The following IQCB1 variants were observed in gnomAD, a reference collection of about 807,000 sequenced individuals.
IQCB1 encodes IQ calmodulin-binding motif-containing protein 1.
IQCB1 carries 56 observed loss-of-function variants against 84.4 expected under a neutral mutation model. The observed-to-expected ratio is 0.66, with a 90% CI of 0.54 to 0.83. The LOEUF (loss-of-function observed/expected upper bound fraction) is 0.83, where lower values mean the gene tolerates loss of function less well. IQCB1 is among the 40% of genes least tolerant of loss of function. IQCB1 has a pLI of 0.00. For missense variants in IQCB1, 629 were observed against 682.1 expected, an observed-to-expected ratio of 0.92 and a Z score of 0.87; for synonymous variants, 210 against 234.8, an observed-to-expected ratio of 0.89 and a Z score of 0.96.
chr3:121,795,451 T>A lies in IQCB1; in HGVS notation c.986+6A>T. The A allele has an allele frequency of 6.5e-7, 1 of 1,539,440 alleles. No individual in the cohort carries two copies. Among genetic ancestry groups the A allele is most frequent in the Non-Finnish European group, 9.0e-7 (1 of 1,113,808 alleles). ...GATCATCAATCCCCTCACCAAATTT[T>A]TTTACCTGAAACTCCTCTGCAAAGC... On this transcript the variant is annotated splice_donor_region_variant and intron_variant, in intron 10 of 14. Coordinates refer to ENST00000310864, the MANE Select transcript of IQCB1 (RefSeq NM_001023570.4).
chr3:121,780,480 T>C (rs1173552383), intron 13 of IQCB1, among the ~76,000 whole-genome samples: 1 of 152,228 alleles, frequency 6.6e-6, no homozygotes, highest in East Asian at 1.9e-4. Context: ...ACAGAGGGCC[T>C]GATATAGAAG....
At chr3:121,799,960 T>C (rs1949342156) in intron 7 of IQCB1, among the ~76,000 whole-genome samples, 1 of 151,890 alleles carries the variant, frequency 6.6e-6, no homozygotes, top group African/African-American at 2.4e-5. Flanking sequence ...TAAGGAGTTA[T>C]GTGATTTTCT....
chr3:121,826,868 A>T (rs1451732162), intron 4 of IQCB1, among the ~76,000 whole-genome samples: 2 of 152,164 alleles, frequency 1.3e-5, no homozygotes, highest in Non-Finnish European at 2.9e-5. Context: ...CATTCAAAAG[A>T]GCCTCAAACC....
Position 121,828,621 on chromosome 3 carries a change from T to G in IQCB1, c.112A>C (p.Ile38Leu). 6.3e-7 allele frequency: 1 copy of G among 1,595,608 alleles called. No individual in the cohort carries two copies. The highest frequency in any genetic ancestry group is 8.6e-7 in the Non-Finnish European group (1 of 1,163,562). Residue 38 changes from isoleucine to leucine, a missense_variant, in exon 4 of 15, where the codon ATC becomes CTC. Physicochemically the swap from Ile to Leu is conservative, Grantham distance 5 (BLOSUM62 2). Coordinates refer to ENST00000310864, the MANE Select transcript of IQCB1 (RefSeq NM_001023570.4). ...ILLKLKEIIN[I>L]TPLGSSELKK... ...AACTCTGAGCTTCCTAAAGGTGTGA[T>G]GTTTATTATTTCTAAGGCAAAAGGA... is the stretch of plus-strand genomic sequence containing the variant.
Position 121,826,113 on chromosome 3 carries a change from C to T in IQCB1, c.331G>A (p.Ala111Thr). 1 of 1,612,974 alleles carries T rather than the reference C, an allele frequency of 6.2e-7. No homozygotes were observed. The highest frequency in any genetic ancestry group is 8.5e-7 in the Non-Finnish European group (1 of 1,178,934). The change falls in exon 5 of 15, where the codon GCT becomes ACT. Residue 111 changes from alanine (A) to threonine (T), a missense_variant. Transcript: ENST00000310864. ...CCCAAAACTAGAAAATTTTCTGCAG[C>T]TGATGGAAGTAATTCATTGTAAAAT... ...EEFYNELLPS[A>T]AENFLVLGRQ...
intron 10 of IQCB1, among the ~76,000 whole-genome samples, chr3:121,791,254 C>T (rs1948958749): frequency 6.6e-6 from 1 of 151,996 alleles, no homozygotes; most frequent in Non-Finnish European, 1.5e-5. Flanking sequence ...AAATGTGGTA[C>T]CTTGGCTATA....
chr3:121,788,452 T>C lies in IQCB1; in HGVS notation c.1130-20A>G. The C allele has an allele frequency of 1.9e-6, 3 of 1,605,124 alleles. No individual in the cohort carries two copies. Among genetic ancestry groups the C allele is most frequent in the Admixed American group, 3.3e-5 (2 of 60,006 alleles). On this transcript the variant is annotated intron_variant, in intron 11 of 14. Coordinates refer to ENST00000310864, the MANE Select transcript of IQCB1 (RefSeq NM_001023570.4). ...CCTGACCTAAAAAGATGATAGACAC[T>C]ATTACAACATACTCACTGCCATGCT...
intron 10 of IQCB1, among the ~76,000 whole-genome samples, chr3:121,794,191 G>A (rs544541877): frequency 2.6e-5 from 4 of 151,862 alleles, no homozygotes; most frequent in Admixed American, 1.3e-4. Context: ...AATAATAGAT[G>A]GATAATACTT....
chr3:121,807,238 T>C lies in IQCB1; in HGVS notation c.587+106A>G, dbSNP rs1004848469. 3.2e-5 allele frequency: 23 copies of C among 712,220 alleles called. No individual in the cohort carries two copies. The African/African-American group carries it at 4.0e-4, about 13-fold the overall frequency. The allele number at this position is 712,220 out of a possible 1,614,324, so 44.1% of individuals were successfully genotyped here. On this transcript the variant is annotated intron_variant, in intron 7 of 14. Transcript: ENST00000310864. The stretch of plus-strand genomic sequence containing the variant: ...AGTATATAGTGCATATACTTGTATA[T>C]ACATTATATACAAATCATATGCGGT...
At position 121,822,312 on chromosome 3, in the gene IQCB1, G is replaced by C. The variant is rs1020783003; in HGVS notation, c.393+3739C>G. ...CTTCTATTGGTTCTGTTTTTCTGGAGAGACCTGACTAATATGCCTGGCTTT... is the reference window on the plus strand; with the variant it reads ...CTTCTATTGGTTCTGTTTTTCTGGACAGACCTGACTAATATGCCTGGCTTT... On this transcript the variant is annotated intron_variant, in intron 5 of 14. Coordinates refer to ENST00000310864, the MANE Select transcript of IQCB1 (RefSeq NM_001023570.4). Among the ~76,000 whole-genome samples the C allele has an allele frequency of 2.6e-5, 4 of 152,074 alleles. No homozygotes were observed. In the East Asian group the frequency reaches 7.7e-4, roughly 29 times the overall value.
chr3:121,826,212 G>T, intron 4 of IQCB1, 32 bp from the exon 5 acceptor site: 1 of 1,610,996 alleles, frequency 6.2e-7, no homozygotes, highest in South Asian at 1.1e-5. Flanking sequence ...GTGTTAATTA[G>T]AAGTTTATGT....
chr3:121,798,874 C>T (rs1949298810), intron 8 of IQCB1, among the ~76,000 whole-genome samples: 1 of 151,724 alleles, frequency 6.6e-6, no homozygotes, highest in South Asian at 2.1e-4. Context: ...TAAAGCTGGT[C>T]TTGATAAGGT....
At chr3:121,824,190 T>A (rs746447982) in intron 5 of IQCB1, among the ~76,000 whole-genome samples, 1 of 152,100 alleles carries the variant, frequency 6.6e-6, no homozygotes, top group Non-Finnish European at 1.5e-5. Context: ...AGACCCCCAG[T>A]GGATGCCTGA....
chr3:121,807,567 C>A (rs955556141), intron 6 of IQCB1, 124 bp from the exon 7 acceptor site: 5 of 608,866 alleles, frequency 8.2e-6, no homozygotes, highest in Non-Finnish European at 1.5e-5. Context: ...ACTTTGTAGA[C>A]TCTACGATAA....
In IQCB1 at chr3:121,799,752, T is replaced by G. The variant is rs1949335454; in HGVS notation, c.588-378A>C. On this transcript the variant is annotated intron_variant, in intron 7 of 14. Transcript: ENST00000310864. ...AATCAAGACAGGTACACAGTTAATT[T>G]TTAAATGATGTACAAAGACAAAAAT... Among the ~76,000 whole-genome samples, 3 of 151,914 alleles carry G rather than the reference T, an allele frequency of 2.0e-5. No homozygotes were observed. The South Asian group carries it at 6.2e-4, about 31-fold the overall frequency.
chr3:121,787,667 C>T (rs1393266050), intron 12 of IQCB1, among the ~76,000 whole-genome samples: 1 of 151,490 alleles, frequency 6.6e-6, no homozygotes, highest in African/African-American at 2.4e-5. Context: ...AGGAGAATTG[C>T]TTGAACCTGG....
intron 5 of IQCB1, among the ~76,000 whole-genome samples, chr3:121,815,231 C>T (rs552884569): frequency 1.3e-5 from 2 of 152,268 alleles, no homozygotes; most frequent in African/African-American, 4.8e-5. Flanking sequence ...TAAAAACTCT[C>T]AATGAACTAG....
At chr3:121,830,018 C>T (rs558055450) in intron 2 of IQCB1, among the ~76,000 whole-genome samples, 59 of 152,090 alleles carry the variant, frequency 3.9e-4, no homozygotes, top group African/African-American at 1.4e-3. Flanking sequence ...ACCAGCCTGG[C>T]CAACATGGTG....
chr3:121,825,084 G>C (rs1399870297), intron 5 of IQCB1, among the ~76,000 whole-genome samples: 2 of 148,226 alleles, frequency 1.3e-5, no homozygotes, highest in Non-Finnish European at 3.0e-5. Flanking sequence ...TTTTCAGATG[G>C]AGTTTTGCTC....
Sources: gnomAD v4.1 joint callset for allele counts (sites outside exome capture counted in the v4.1 genomes callset) on GRCh38, gnomAD v4.1.1 for gene constraint, MANE v1.5 for transcripts, NCBI Gene and HGNC (gene_info 2026-07-23, HGNC 2026-07-21) for gene names.